The following ARNT2 variants were observed in gnomAD, a reference collection of about 807,000 sequenced individuals.
ARNT2 encodes aryl hydrocarbon receptor nuclear translocator 2.
Under a neutral mutation model 91.7 loss-of-function variants are expected in ARNT2, and 36 were observed. The ratio of observed to expected loss-of-function variants is 0.39; its 90% CI spans 0.30 to 0.52. The LOEUF is 0.52. Among genes scored for constraint, ARNT2 ranks in the 20% least tolerant of loss-of-function variants. ARNT2 has a pLI of 0.72. For synonymous variants in ARNT2, 365 were observed against 347.1 expected (o/e 1.05, Z -0.57); for missense variants, 775 against 939.3 (o/e 0.83, Z 2.29).
rs190996031 is a variant in ARNT2, at chr15:80,405,596, G to T, written c.31+1050G>T. On this transcript the variant is annotated intron_variant, in intron 1 of 18. Transcript: ENST00000303329. Reference sequence around the variant, plus strand: ...CTAAGGCGGCCAGGGAAGGCTTCTGGAGATTGGACATTTCGGCTGAACCTT... The same window carrying T: ...CTAAGGCGGCCAGGGAAGGCTTCTGTAGATTGGACATTTCGGCTGAACCTT... Among the ~76,000 whole-genome samples the T allele has an allele frequency of 1.5e-3, 230 of 152,328 alleles. 1 individual carries two copies. Among genetic ancestry groups the T allele is most frequent in the Non-Finnish European group, 2.5e-3 (172 of 68,030 alleles).
intron 2 of ARNT2, among the ~76,000 whole-genome samples, chr15:80,457,335 G>C (rs1896495065): frequency 5.9e-5 from 9 of 152,170 alleles, no homozygotes; most frequent in Admixed American, 5.9e-4. Context: ...CCATGTTTGT[G>C]GTCCTGGATT....
chr15:80,517,496 T>C (rs1012669139), intron 8 of ARNT2, among the ~76,000 whole-genome samples: 2 of 152,180 alleles, frequency 1.3e-5, no homozygotes, highest in African/African-American at 4.8e-5. Flanking sequence ...TTGATGTCTC[T>C]CATTAACTTT....
At chr15:80,418,291 C>T (rs1039458571) in intron 1 of ARNT2, among the ~76,000 whole-genome samples, 17 of 152,122 alleles carry the variant, frequency 1.1e-4, no homozygotes, top group Admixed American at 2.0e-4. Context: ...AGTTCCACTG[C>T]GGGAAGAGCC....
At chr15:80,568,938 G>A (rs539344959) in intron 12 of ARNT2, among the ~76,000 whole-genome samples, 30 of 151,934 alleles carry the variant, frequency 2.0e-4, no homozygotes, top group East Asian at 9.7e-4. Flanking sequence ...ACACACACGC[G>A]CACACACACG....
intron 8 of ARNT2, among the ~76,000 whole-genome samples, chr15:80,529,404 A>G (rs534172082): frequency 6.6e-6 from 1 of 152,382 alleles, no homozygotes; most frequent in African/African-American, 2.4e-5. Flanking sequence ...TAGGGTCACC[A>G]GCAGAAACCC....
intron 1 of ARNT2, among the ~76,000 whole-genome samples, chr15:80,407,911 C>T (rs1895623447): frequency 6.6e-6 from 1 of 152,172 alleles, no homozygotes; most frequent in South Asian, 2.1e-4. Flanking sequence ...ATGAGGGAAT[C>T]AGCTACAAAT....
At chr15:80,546,546 G>A (rs1178761791) in intron 8 of ARNT2, among the ~76,000 whole-genome samples, 7 of 152,230 alleles carry the variant, frequency 4.6e-5, no homozygotes, top group East Asian at 1.9e-4. Flanking sequence ...ATTTGGGCAC[G>A]ATTTTGAAAG....
chr15:80,590,714 C>G (rs1358056230), intron 17 of ARNT2, among the ~76,000 whole-genome samples: 1 of 152,222 alleles, frequency 6.6e-6, no homozygotes, highest in African/African-American at 2.4e-5. Context: ...TGCATTCCAG[C>G]CAGGGCAGTG....
At chr15:80,556,602 AG>A (rs987367043) in intron 11 of ARNT2, 2 of 152,572 alleles carry the variant, frequency 1.3e-5, no homozygotes, top group African/African-American at 4.8e-5. Flanking sequence ...GGAGCCCAAG[AG>A]GGTGGCCACC....
chr15:80,510,164 G>T (rs764275679), intron 6 of ARNT2, among the ~76,000 whole-genome samples: 56 of 152,114 alleles, frequency 3.7e-4, no homozygotes, highest in Non-Finnish European at 7.8e-4. Flanking sequence ...CAGCCTTCAG[G>T]CAGGGTGTGA....
intron 18 of ARNT2, 45 bp from the exon 19 acceptor site, chr15:80,593,555 A>G: frequency 2.0e-6 from 3 of 1,478,766 alleles, no homozygotes; most frequent in Non-Finnish European, 2.8e-6. Context: ...GTGCACGGAC[A>G]GAGGAGCTGA....
At chr15:80,589,141 G>A (rs1387600277) in intron 17 of ARNT2, among the ~76,000 whole-genome samples, 5 of 152,206 alleles carry the variant, frequency 3.3e-5, no homozygotes, top group African/African-American at 1.2e-4. Context: ...CAGGAGGCAC[G>A]TGAGAAAGAG....
intron 3 of ARNT2, among the ~76,000 whole-genome samples, chr15:80,458,787 G>A (rs117680083): frequency 0.017 from 2,546 of 152,066 alleles, 29 homozygotes; most frequent in Non-Finnish European, 0.029. Context: ...CCTAAGGAAG[G>A]GCCTGCCTTG....
At position 80,593,639 on chromosome 15, in the gene ARNT2, G is replaced by A; in HGVS notation, c.2095G>A (p.Gly699Ser). The A allele has an allele frequency of 6.2e-7, 1 of 1,607,012 alleles. No individual in the cohort carries two copies. Among genetic ancestry groups the A allele is most frequent in the Non-Finnish European group, 8.5e-7 (1 of 1,175,930 alleles). ...GCCAGGAGATCCAACCCAGGGGACTGGCAACTATAACATCGAAGACTTTGC... is the reference window on the plus strand; with the variant it reads ...GCCAGGAGATCCAACCCAGGGGACTAGCAACTATAACATCGAAGACTTTGC... ...PMPGDPTQGT[G>S]NYNIEDFADL... The change falls in exon 19 of 19, where the codon GGC (glycine) becomes AGC (serine). Residue 699 changes from glycine (G) to serine (S), a missense_variant. By Grantham distance (56) the Gly-to-Ser change is moderately conservative (BLOSUM62 0). Coordinates refer to ENST00000303329, the MANE Select transcript of ARNT2 (RefSeq NM_014862.4).
At chr15:80,421,308 T>C (rs1895857594) in intron 1 of ARNT2, among the ~76,000 whole-genome samples, 1 of 151,934 alleles carries the variant, frequency 6.6e-6, no homozygotes, top group Admixed American at 6.6e-5. Context: ...GCACACTACT[T>C]GGGCAACAAG....
intron 17 of ARNT2, among the ~76,000 whole-genome samples, chr15:80,584,228 G>A (rs912508947): frequency 3.9e-5 from 6 of 152,148 alleles, no homozygotes; most frequent in African/African-American, 1.2e-4. Context: ...CCCAGTGCAG[G>A]CAGAGGGGAC....
chr15:80,466,707 G>A (rs1347912729), intron 3 of ARNT2, among the ~76,000 whole-genome samples: 1 of 152,252 alleles, frequency 6.6e-6, no homozygotes, highest in Non-Finnish European at 1.5e-5. Flanking sequence ...ATACATATGT[G>A]TATGTCACTC....
At chr15:80,577,084 G>A (rs1013994434) in intron 15 of ARNT2, 119 bp downstream of exon 15, 2 of 966,750 alleles carry the variant, frequency 2.1e-6, no homozygotes, top group East Asian at 5.0e-5. Context: ...TGGCGCTCAG[G>A]CCTTGGACTA....
intron 17 of ARNT2, among the ~76,000 whole-genome samples, chr15:80,590,299 G>T (rs1463415622): frequency 6.6e-6 from 1 of 152,190 alleles, no homozygotes; most frequent in Non-Finnish European, 1.5e-5. Flanking sequence ...AAGAAAAAAA[G>T]CTTCTAAGAT....
Sources: allele counts gnomAD v4.1 joint callset (sites outside exome capture counted in the v4.1 genomes callset), GRCh38; gene constraint gnomAD v4.1.1; transcripts MANE v1.5; gene names NCBI Gene and HGNC (gene_info 2026-07-23, HGNC 2026-07-21).